DST: variants seen among roughly 807,000 people sequenced by gnomAD.
DST encodes the protein bullous pemphigoid antigen.
In DST, 253 loss-of-function variants were observed where a neutral mutation model predicts 875.2. That is an observed-to-expected ratio of 0.29 (90% confidence interval 0.26 to 0.32). The LOEUF is 0.32. Among genes scored for constraint, DST ranks in the 10% least tolerant of loss-of-function variants. The probability of loss-of-function intolerance (pLI) is 1.00; values close to 1 mark genes in which losing one functional copy is unlikely to be tolerated. For synonymous variants in DST, 3,124 were observed against 3,197.1 expected, an observed-to-expected ratio of 0.98 and a Z score of 0.77; for missense variants, 8,287 against 9,111.6, an observed-to-expected ratio of 0.91 and a Z score of 3.68.
At chr6:56,536,275 C>T (rs1418568471) in intron 62 of DST, among the ~76,000 whole-genome samples, 1 of 152,180 alleles carries the variant, frequency 6.6e-6, no homozygotes, top group African/African-American at 2.4e-5. Flanking sequence ...TGATGGTCTA[C>T]AGTGAGGGTA....
chr6:56,643,653 T>C (rs776947025), intron 15 of DST, among the ~76,000 whole-genome samples: 10 of 152,234 alleles, frequency 6.6e-5, no homozygotes, highest in Non-Finnish European at 1.2e-4. Context: ...CATGAAGGCA[T>C]TTATCCAACC....
At chr6:56,910,608 C>T (rs151138944) in intron 2 of DST, among the ~76,000 whole-genome samples, 164 of 152,206 alleles carry the variant, frequency 1.1e-3, no homozygotes, top group African/African-American at 3.9e-3. Flanking sequence ...CCTCAGCCTC[C>T]CAAGTAGCTG....
intron 9 of DST, among the ~76,000 whole-genome samples, chr6:56,673,352 T>G (rs1357683280): frequency 1.3e-5 from 2 of 152,232 alleles, no homozygotes; most frequent in African/African-American, 2.4e-5. Flanking sequence ...TCAACTGTTT[T>G]GGGGAACCCT....
chr6:56,809,436 A>G (rs979023706), intron 4 of DST, among the ~76,000 whole-genome samples: 3 of 152,072 alleles, frequency 2.0e-5, no homozygotes, highest in Admixed American at 2.0e-4. Context: ...TCACAACCTA[A>G]CCATTTGAGT....
intron 98 of DST, 117 bp from the exon 99 acceptor site, chr6:56,466,312 C>T (rs184492603): frequency 3.9e-5 from 23 of 588,448 alleles, no homozygotes; most frequent in South Asian, 1.7e-4. Flanking sequence ...TAGTTCATAG[C>T]GATTAGTAAA....
rs2096430025 is a variant in DST at position 56,509,789 on chromosome 6, C to G, written c.18865G>C (p.Val6289Leu). The G allele has an allele frequency of 6.2e-7, 1 of 1,613,726 alleles. No homozygotes were observed. Among genetic ancestry groups the G allele is most frequent in the African/African-American group, 1.3e-5 (1 of 75,004 alleles). ...CTGATCTGTTCCTTGATCTTCTCAA[C>G]CTCTGCAGAGATAGAGGGTGGCTGC... ...LRQPPSISAEVEKIKEQISEN... is the reference protein window; with the variant it reads ...LRQPPSISAELEKIKEQISEN... Residue 6289 changes from valine to leucine, a missense_variant, in exon 74 of 104, where the codon GTT becomes CTT. By Grantham distance (32) the Val-to-Leu change is conservative. This residue lies in a region of DST where 1,292 missense variants were observed against 1,552.7 expected (regional missense o/e 0.83). Coordinates refer to ENST00000680361, the MANE Select transcript of DST (RefSeq NM_001374736.1).
chr6:56,486,990 G>A, intron 87 of DST, 114 bp downstream of exon 87: 3 of 965,614 alleles, frequency 3.1e-6, no homozygotes, highest in Non-Finnish European at 4.6e-6. Context: ...ACAAGCAGAA[G>A]TTCCTCAGGC....
intron 2 of DST, among the ~76,000 whole-genome samples, chr6:56,902,435 G>C (rs1038234581): frequency 2.6e-5 from 4 of 152,236 alleles, no homozygotes; most frequent in Non-Finnish European, 5.9e-5. Flanking sequence ...GATTCTCACT[G>C]AGGGAGCCGG....
At position 56,632,036 on chromosome 6, in the gene DST, C is replaced by T. The variant is rs143879554; in HGVS notation, c.3810G>A (p.Glu1270=). Residue 1270 remains glutamate, a synonymous_variant, in exon 29 of 104, where the codon GAG becomes GAA. Coordinates refer to ENST00000680361, the MANE Select transcript of DST (RefSeq NM_001374736.1). The part of the protein sequence containing the change: ...QELLKSAERE[E]QEESVYNLYI... ...AGAGATTATAAACTGATTCCTCTTG[C>T]TCCTCTGTGAAAATAAATATGTTTA... 1.2e-6 allele frequency: 2 copies of T among 1,610,856 alleles called. No homozygotes were observed. The highest frequency in any genetic ancestry group is 1.7e-5 in the Admixed American group (1 of 59,990).
At position 56,615,468 on chromosome 6, in the gene DST, C is replaced by T. The variant is rs77216326; in HGVS notation, c.4930-984G>A. On this transcript the variant is annotated intron_variant, in intron 36 of 103. Coordinates refer to ENST00000680361, the MANE Select transcript of DST (RefSeq NM_001374736.1). ...ATATCATCATACTCTGAAAAAGTGGCATGAACCAGCCTGCATCACCCCTTG... is the reference window on the plus strand; with the variant it reads ...ATATCATCATACTCTGAAAAAGTGGTATGAACCAGCCTGCATCACCCCTTG... The T allele has an allele frequency of 7.3e-4, 1,179 of 1,612,294 alleles. 25 individuals carry two copies. In the East Asian group the frequency reaches 0.026, roughly 36 times the overall value.
chr6:56,880,336 G>C (rs1017324281), intron 3 of DST, among the ~76,000 whole-genome samples: 1 of 152,200 alleles, frequency 6.6e-6, no homozygotes, highest in South Asian at 2.1e-4. Context: ...CAGAATAAGA[G>C]ATAGAACTAC....
chr6:56,755,512 GA>G (rs2099599881), intron 4 of DST, among the ~76,000 whole-genome samples: 1 of 152,134 alleles, frequency 6.6e-6, no homozygotes, highest in Non-Finnish European at 1.5e-5. Flanking sequence ...TAAAGATGAA[GA>G]AACTGAGGTA....
chr6:56,519,781 T>C (rs1288235201), intron 69 of DST, among the ~76,000 whole-genome samples: 1 of 152,096 alleles, frequency 6.6e-6, no homozygotes, highest in African/African-American at 2.4e-5. Context: ...GCCAGAGTGG[T>C]AAGAGGAAGG....
chr6:56,546,346 TCATA>T (rs1283712979), intron 61 of DST, among the ~76,000 whole-genome samples: 1 of 59,870 alleles, frequency 1.7e-5, no homozygotes, highest in Non-Finnish European at 3.3e-5. Flanking sequence ...TATACATATT[TCATA>T]TATATATATA....
At position 56,608,295 on chromosome 6, in the gene DST, A is replaced by G. The variant is rs1242923260; in HGVS notation, c.6333T>C (p.Tyr2111=). ...CAATGACTTGAGAACTTTCTGGAAT[A>G]TAAAGAGCAGCTATTTTTTGTCTGC... ...LNGRQKIAAL[Y]IPESSQVIGL... The change falls in exon 40 of 104, where the codon TAT becomes TAC. Residue 2111 remains tyrosine, a synonymous_variant. Coordinates refer to ENST00000680361, the MANE Select transcript of DST (RefSeq NM_001374736.1). 1 of 1,613,572 alleles carries G rather than the reference A, an allele frequency of 6.2e-7. No homozygotes were observed. Among genetic ancestry groups the G allele is most frequent in the Admixed American group, 1.7e-5 (1 of 59,996 alleles).
intron 4 of DST, among the ~76,000 whole-genome samples, chr6:56,783,171 G>C (rs904496437): frequency 6.6e-6 from 1 of 152,252 alleles, no homozygotes; most frequent in East Asian, 1.9e-4. Context: ...GAATAGGTGT[G>C]GTGTGGTGCT....
At chr6:56,503,104 T>C (rs954347417) in intron 78 of DST, among the ~76,000 whole-genome samples, 2 of 152,242 alleles carry the variant, frequency 1.3e-5, no homozygotes, top group East Asian at 1.9e-4. Flanking sequence ...ATATCATGGA[T>C]GTGTTTTTAA....
At chr6:56,595,779 A>ACCCCCCCCTCCCCC (rs559086079) in intron 47 of DST, among the ~76,000 whole-genome samples, 1 of 144,528 alleles carries the variant, frequency 6.9e-6, no homozygotes, top group African/African-American at 2.9e-5. Context: ...TTCATATGCT[A>ACCCCCCCCTCCCCC]CCCCCACCCC....
chr6:56,877,895 G>T (rs952512271), intron 3 of DST, among the ~76,000 whole-genome samples: 3 of 152,196 alleles, frequency 2.0e-5, no homozygotes, highest in Non-Finnish European at 2.9e-5. Context: ...CATTGCTTTG[G>T]AAGTACAACT....
Sources: allele counts gnomAD v4.1 joint callset (sites outside exome capture counted in the v4.1 genomes callset), GRCh38; gene constraint gnomAD v4.1.1; regional missense constraint gnomAD v4.1.1; transcripts MANE v1.5; gene names NCBI Gene and HGNC (gene_info 2026-07-23, HGNC 2026-07-21).